The following NUP188 variants were observed in gnomAD, a reference collection of about 807,000 sequenced individuals.
NUP188 encodes the protein nucleoporin 188.
Under a neutral mutation model 223.0 loss-of-function variants are expected in NUP188, and 97 were observed. That is an observed-to-expected ratio of 0.43 (90% CI 0.37 to 0.51). The LOEUF is 0.51. NUP188 is among the 20% of genes least tolerant of loss of function. NUP188 has a pLI of 0.00. For synonymous variants in NUP188, 869 were observed against 828.0 expected (o/e 1.05, Z -0.85); for missense variants, 1,947 against 2,175.6 (o/e 0.89, Z 2.09).
intron 29 of NUP188, 137 bp downstream of exon 29, chr9:128,995,060 G>A (rs1842498607): frequency 1.4e-6 from 1 of 710,758 alleles, no homozygotes; most frequent in Admixed American, 2.2e-5. Context: ...AGGCCAGTGA[G>A]CTGTGTTCCT....
chr9:128,976,657 G>A (rs1212206804), intron 12 of NUP188, among the ~76,000 whole-genome samples: 1 of 150,132 alleles, frequency 6.7e-6, no homozygotes, highest in Non-Finnish European at 1.5e-5. Context: ...GGCAACAAGA[G>A]CAAAACTTTG....
At chr9:129,001,456 C>T in intron 34 of NUP188, 73 bp from the exon 35 acceptor site, 1 of 1,467,634 alleles carries the variant, frequency 6.8e-7, no homozygotes. Flanking sequence ...GGCAACCAGG[C>T]CCACCGCTGC....
At chr9:129,005,848 T>G in intron 41 of NUP188, 72 bp downstream of exon 41, 2 of 1,519,720 alleles carry the variant, frequency 1.3e-6, no homozygotes, top group Non-Finnish European at 1.8e-6. Context: ...CCAGCTGACC[T>G]TGGGCATGTT....
chr9:129,001,389 T>A (rs1048299426), intron 34 of NUP188, 140 bp from the exon 35 acceptor site: 12 of 684,480 alleles, frequency 1.8e-5, no homozygotes, highest in East Asian at 5.3e-5. Context: ...TGGGAGAGAG[T>A]GTGCATTCTG....
chr9:128,985,164 T>C (rs1438644398), intron 20 of NUP188, 150 bp downstream of exon 20: 3 of 604,322 alleles, frequency 5.0e-6, no homozygotes, highest in Non-Finnish European at 5.9e-6. Flanking sequence ...CAACAGTTTC[T>C]ATGTATTGAG....
chr9:128,991,899 TTTTC>T (rs1228821712), intron 25 of NUP188, among the ~76,000 whole-genome samples: 8 of 147,674 alleles, frequency 5.4e-5, no homozygotes, highest in African/African-American at 1.9e-4. Context: ...CTGGTACTGT[TTTTC>T]TTTCTTTTTT....
rs987825444 is a variant in NUP188 at position 128,964,663 on chromosome 9, G to C, written c.586-3843G>C. ...GCTGGGATGACAGGCATGAGCCACTGCTCCTAGACTGTATCTTTCCAAGAG... is the reference window on the plus strand; with the variant it reads ...GCTGGGATGACAGGCATGAGCCACTCCTCCTAGACTGTATCTTTCCAAGAG... On this transcript the variant is annotated intron_variant, in intron 8 of 43. Coordinates refer to ENST00000372577, the MANE Select transcript of NUP188 (RefSeq NM_015354.3). Among the ~76,000 whole-genome samples, 6 of 148,084 alleles carry C rather than the reference G, an allele frequency of 4.1e-5. No homozygotes were observed. In the South Asian group the frequency reaches 8.7e-4, roughly 21 times the overall value.
At chr9:128,972,594 G>C (rs1842118615) in intron 11 of NUP188, among the ~76,000 whole-genome samples, 1 of 152,216 alleles carries the variant, frequency 6.6e-6, no homozygotes, top group Non-Finnish European at 1.5e-5. Flanking sequence ...AGTGTAAACT[G>C]TGGACTTTGG....
At chr9:128,992,461 C>G (rs1842449539) in intron 25 of NUP188, among the ~76,000 whole-genome samples, 1 of 152,244 alleles carries the variant, frequency 6.6e-6, no homozygotes, top group African/African-American at 2.4e-5. Context: ...TCCCAACATG[C>G]TGGGATTACA....
In NUP188 at chr9:128,986,845, A is replaced by T; in HGVS notation, c.2234A>T (p.Asn745Ile). 1.9e-6 allele frequency: 3 copies of T among 1,613,846 alleles called. No individual in the cohort carries two copies. Among genetic ancestry groups the T allele is most frequent in the Non-Finnish European group, 2.5e-6 (3 of 1,179,944 alleles). Residue 745 changes from asparagine (N) to isoleucine (I), a missense_variant, in exon 22 of 44, where the codon AAC (asparagine) becomes ATC (isoleucine). Around this residue, in one of 3 missense-constraint regions of NUP188, gnomAD observed 225 missense variants for 319.1 expected, o/e 0.71. Coordinates refer to ENST00000372577, the MANE Select transcript of NUP188 (RefSeq NM_015354.3). ...TTGGAGCTGATTCATGCGATACTGA[A>T]CCTGTGCCACGAGACAGACCTGCAC... ...LILELIHAIL[N>I]LCHETDLHSS... is the part of the protein sequence containing the mutation.
In NUP188 at chr9:128,960,059, C is replaced by CTTTT. The variant is rs956759518; in HGVS notation, c.585+944_585+947dup. On this transcript the variant is annotated intron_variant, in intron 8 of 43. Transcript: ENST00000372577. ...GTAACACTAGTCTGATTATTTTATT[C>CTTTT]TTTTTTTTTTTTTTTTTTTTTTGAG... Among the ~76,000 whole-genome samples, 94 of 103,770 alleles carry CTTTT rather than the reference C, an allele frequency of 9.1e-4. 1 individual carries two copies. The highest frequency in any genetic ancestry group is 2.6e-3 in the African/African-American group (66 of 25,126). The allele number at this position is 103,770 out of a possible 152,430, so 68.1% of individuals were successfully genotyped here.
intron 17 of NUP188, 82 bp downstream of exon 17, chr9:128,983,110 T>C: frequency 1.3e-6 from 2 of 1,564,770 alleles, no homozygotes; most frequent in Non-Finnish European, 1.7e-6. Context: ...CCTGGACACA[T>C]ACCCACTGGG....
chr9:129,005,873 G>C (rs1462661203), intron 41 of NUP188, 97 bp downstream of exon 41: 9 of 1,468,174 alleles, frequency 6.1e-6, no homozygotes, highest in Non-Finnish European at 8.3e-6. Context: ...ATGGTACCTA[G>C]CCTCCCAAGC....
chr9:128,955,108 C>T (rs1841850644), intron 3 of NUP188, among the ~76,000 whole-genome samples: 2 of 152,270 alleles, frequency 1.3e-5, no homozygotes, highest in Middle Eastern at 3.4e-3. Flanking sequence ...GCCTCAGCCT[C>T]CCAAAGTGCT....
At chr9:128,988,701 ATTT>A (rs994577710) in intron 24 of NUP188, among the ~76,000 whole-genome samples, 2 of 128,500 alleles carry the variant, frequency 1.6e-5, no homozygotes, top group East Asian at 4.6e-4. Flanking sequence ...CACATTCCAG[ATTT>A]TTTTTAATTT....
chr9:128,994,572 G>GT (rs1480801488), intron 28 of NUP188, 130 bp downstream of exon 28: 3 of 745,530 alleles, frequency 4.0e-6, no homozygotes, highest in Middle Eastern at 3.9e-4. Context: ...CACTAGAAAC[G>GT]TCTTTCTCAG....
At chr9:128,980,875 AT>A in intron 14 of NUP188, 150 bp downstream of exon 14, 1 of 733,648 alleles carries the variant, frequency 1.4e-6, no homozygotes, top group South Asian at 1.9e-5. Flanking sequence ...TAGCACCTCA[AT>A]TCTAAAAAAT....
At chr9:128,985,588 C>T (rs905498619) in intron 20 of NUP188, among the ~76,000 whole-genome samples, 2 of 152,144 alleles carry the variant, frequency 1.3e-5, no homozygotes, top group Non-Finnish European at 2.9e-5. Flanking sequence ...AGGTTGACAG[C>T]TTACTAGCTG....
At chr9:128,948,342 C>G (rs528126423) in intron 1 of NUP188, 2 of 152,392 alleles carry the variant, frequency 1.3e-5, no homozygotes, top group African/African-American at 4.8e-5. Context: ...CAAGAGATTT[C>G]AGGGATTGAA....
Sources: allele counts gnomAD v4.1 joint callset (sites outside exome capture counted in the v4.1 genomes callset), GRCh38; gene constraint gnomAD v4.1.1; regional missense constraint gnomAD v4.1.1; transcripts MANE v1.5; gene names NCBI Gene and HGNC (gene_info 2026-07-23, HGNC 2026-07-21).